The following IKBKB variants were observed in gnomAD, a reference collection of about 807,000 sequenced individuals.
IKBKB encodes the protein inhibitor of nuclear factor kappa B kinase subunit beta.
IKBKB carries 42 observed loss-of-function variants against 113.6 expected under a neutral mutation model. The observed-to-expected ratio is 0.37, with a 90% CI of 0.29 to 0.48. The LOEUF (loss-of-function observed/expected upper bound fraction) is 0.48. IKBKB is among the 20% of genes least tolerant of loss of function. The pLI is 0.99. For missense variants in IKBKB, 673 were observed against 939.7 expected, an observed-to-expected ratio of 0.72 and a Z score of 3.71; for synonymous variants, 296 against 361.3, an observed-to-expected ratio of 0.82 and a Z score of 2.05.
chr8:42,292,445 G>A lies in IKBKB; in HGVS notation c.319-998G>A, dbSNP rs147534286. On this transcript the variant is annotated intron_variant, in intron 4 of 21. Coordinates refer to ENST00000520810, the MANE Select transcript of IKBKB (RefSeq NM_001556.3). ...ACCCCTGTCCTTGCTGTCACCCAGCGGGGTTGGGGGAGGACACTGTTGCCC... is the reference window on the plus strand; with the variant it reads ...ACCCCTGTCCTTGCTGTCACCCAGCAGGGTTGGGGGAGGACACTGTTGCCC... Among the ~76,000 whole-genome samples the A allele has an allele frequency of 3.5e-3, 540 of 152,352 alleles. 6 individuals are homozygous for A. The highest frequency in any genetic ancestry group is 0.012 in the African/African-American group (499 of 41,574).
intron 2 of IKBKB, among the ~76,000 whole-genome samples, chr8:42,285,383 AAAAAT>A (rs146956321): frequency 0.21 from 31,777 of 151,486 alleles, 7,744 homozygotes; most frequent in African/African-American, 0.6. Flanking sequence ...CCGTCTCTAC[AAAAAT>A]AAAATAAAAA....
intron 7 of IKBKB, among the ~76,000 whole-genome samples, chr8:42,307,834 C>G (rs1481934991): frequency 6.6e-6 from 1 of 152,226 alleles, no homozygotes; most frequent in Non-Finnish European, 1.5e-5. Flanking sequence ...ACCTACCCAT[C>G]CCGGAATGTC....
intron 3 of IKBKB, among the ~76,000 whole-genome samples, chr8:42,289,622 C>T (rs1262967794): frequency 6.6e-6 from 1 of 152,142 alleles, no homozygotes; most frequent in African/African-American, 2.4e-5. Flanking sequence ...GCTCCTCTGC[C>T]AGCCTCTTAA....
At chr8:42,312,790 G>A (rs1421376360) in intron 8 of IKBKB, among the ~76,000 whole-genome samples, 2 of 152,334 alleles carry the variant, frequency 1.3e-5, no homozygotes, top group East Asian at 3.9e-4. Context: ...GCTTTCCAGT[G>A]CCAGTGTGCT....
chr8:42,291,827 G>T (rs1019630493), intron 4 of IKBKB, among the ~76,000 whole-genome samples: 1 of 152,282 alleles, frequency 6.6e-6, no homozygotes, highest in East Asian at 1.9e-4. Flanking sequence ...TACTACTTTG[G>T]AGGCTGGGGT....
intron 20 of IKBKB, among the ~76,000 whole-genome samples, 194 bp from the exon 21 acceptor site, chr8:42,328,930 A>G (rs78054870): frequency 6.6e-6 from 1 of 152,214 alleles, no homozygotes; most frequent in Non-Finnish European, 1.5e-5. Context: ...AGTAACGCTC[A>G]TATGTGGAAA....
chr8:42,314,376 G>T lies in IKBKB; in HGVS notation c.747G>T (p.Leu249Phe). The T allele has an allele frequency of 6.2e-7, 1 of 1,614,078 alleles. No individual in the cohort carries two copies. The highest frequency in any genetic ancestry group is 8.5e-7 in the Non-Finnish European group (1 of 1,179,886). Reference sequence around the variant, plus strand: ...TGGACATTGTTGTTAGCGAAGACTTGAATGGAACGGTGAAGTTTTCAAGCT... The same window carrying T: ...TGGACATTGTTGTTAGCGAAGACTTTAATGGAACGGTGAAGTTTTCAAGCT... ...SEVDIVVSED[L>F]NGTVKFSSSL... The change falls in exon 9 of 22, where the codon TTG (leucine) becomes TTT (phenylalanine). Residue 249 changes from leucine to phenylalanine, a missense_variant. Physicochemically the swap from Leu to Phe is conservative, Grantham distance 22 (BLOSUM62 0). This residue lies in a region of IKBKB where 506 missense variants were observed against 638.7 expected (regional missense o/e 0.79). Coordinates refer to ENST00000520810, the MANE Select transcript of IKBKB (RefSeq NM_001556.3).
At chr8:42,289,762 CAAAAG>C (rs1563312370) in intron 3 of IKBKB, among the ~76,000 whole-genome samples, 2 of 152,018 alleles carry the variant, frequency 1.3e-5, no homozygotes, top group East Asian at 1.9e-4. Flanking sequence ...ATTAAACAGA[CAAAAG>C]AAAAAAAATA....
intron 5 of IKBKB, among the ~76,000 whole-genome samples, chr8:42,302,802 G>A (rs1815532518): frequency 6.6e-6 from 1 of 151,668 alleles, no homozygotes. Context: ...TTTTGGATAA[G>A]AGATACTCAT....
Position 42,289,716 on chromosome 8 carries a change from TG to T in IKBKB, c.201-436del, listed in dbSNP as rs533842485. ...CAGACCCTTCTCTGTGTGTCCACCT[TG>T]GGGTGATGTGTGTGCGTGAACCAAC... is the stretch of plus-strand genomic sequence containing the variant. On this transcript the variant is annotated intron_variant, in intron 3 of 21. Coordinates refer to ENST00000520810, the MANE Select transcript of IKBKB (RefSeq NM_001556.3). Among the ~76,000 whole-genome samples, 49 of 152,264 alleles carry T rather than the reference TG, an allele frequency of 3.2e-4. 1 individual carries two copies. The South Asian group carries it at 9.8e-3, about 30-fold the overall frequency.
intron 12 of IKBKB, 54 bp downstream of exon 12, chr8:42,317,825 C>G: frequency 1.5e-6 from 2 of 1,316,890 alleles, no homozygotes; most frequent in East Asian, 2.3e-5. Flanking sequence ...ATATGTGGGA[C>G]AAGGCAGGGA....
Position 42,318,365 on chromosome 8 carries a change from C to T in IKBKB, c.1241-187C>T, listed in dbSNP as rs570959077. Among the ~76,000 whole-genome samples the T allele has an allele frequency of 6.6e-5, 10 of 152,278 alleles. 1 individual carries two copies. The South Asian group carries it at 1.9e-3, about 28-fold the overall frequency. The stretch of plus-strand genomic sequence containing the variant: ...CAAATCAACAGCTACTTATTGACCA[C>T]TGGTACATGCTGTTGGTACAAATAC... On this transcript the variant is annotated intron_variant, in intron 12 of 21. Transcript: ENST00000520810.
intron 9 of IKBKB, 34 bp downstream of exon 9, chr8:42,314,463 T>G: frequency 7.4e-7 from 1 of 1,350,966 alleles, no homozygotes; most frequent in Non-Finnish European, 1.1e-6. Context: ...AATACATATC[T>G]TTCTTGCTTT....
chr8:42,320,154 CT>C, intron 15 of IKBKB: 1 of 157,636 alleles, frequency 6.3e-6, no homozygotes, highest in Non-Finnish European at 1.4e-5. Context: ...GGCTCCGGGG[CT>C]TTTTCCTGGA....
At chr8:42,329,848 G>A (rs1821459916) in intron 21 of IKBKB, 2 of 985,278 alleles carry the variant, frequency 2.0e-6, no homozygotes, top group African/African-American at 1.7e-5. Context: ...AGAGAATCCT[G>A]CATCATTTGC....
intron 19 of IKBKB, chr8:42,325,570 T>C: frequency 1.4e-6 from 1 of 704,970 alleles, no homozygotes. Flanking sequence ...TCCCAGCTAC[T>C]TGGGAAGCTG....
chr8:42,290,519 G>T (rs1375466549), intron 4 of IKBKB, among the ~76,000 whole-genome samples: 2 of 152,114 alleles, frequency 1.3e-5, no homozygotes, highest in Non-Finnish European at 2.9e-5. Flanking sequence ...ACTCTGCTGG[G>T]ATTACTCCAA....
At chr8:42,291,762 CAAAAAAT>C (rs1436874466) in intron 4 of IKBKB, among the ~76,000 whole-genome samples, 2 of 151,990 alleles carry the variant, frequency 1.3e-5, no homozygotes, top group Non-Finnish European at 2.9e-5. Flanking sequence ...CCTGTCTCCT[CAAAAAAT>C]AAAAAATGAA....
At chr8:42,299,838 G>A (rs868078597) in intron 5 of IKBKB, among the ~76,000 whole-genome samples, 13 of 152,306 alleles carry the variant, frequency 8.5e-5, no homozygotes, top group African/African-American at 2.9e-4. Flanking sequence ...CTGGGGTCAC[G>A]GGGATTTTCC....
Sources: gnomAD v4.1 joint callset for allele counts (sites outside exome capture counted in the v4.1 genomes callset) on GRCh38, gnomAD v4.1.1 for gene constraint, gnomAD v4.1.1 regional missense constraint, MANE v1.5 for transcripts, NCBI Gene and HGNC (gene_info 2026-07-23, HGNC 2026-07-21) for gene names.